Variants in JAK2 observed in about 807,000 individuals in gnomAD.
JAK2 encodes tyrosine-protein kinase JAK2.
In JAK2, 86 loss-of-function variants were observed where a neutral mutation model predicts 139.3. The ratio of observed to expected loss-of-function variants is 0.62; its 90% CI spans 0.52 to 0.74. JAK2 has a LOEUF of 0.74. JAK2 is among the 30% of genes least tolerant of loss of function. The pLI, the probability that JAK2 is intolerant of heterozygous loss-of-function variation, is 0.00. For missense variants in JAK2, 1,421 were observed against 1,360.3 expected (o/e 1.04, Z -0.70); for synonymous variants, 490 against 437.7 (o/e 1.12, Z -1.49).
intron 19 of JAK2, among the ~76,000 whole-genome samples, chr9:5,086,347 G>C (rs573354577): frequency 6.6e-6 from 1 of 151,924 alleles, no homozygotes; most frequent in Non-Finnish European, 1.5e-5. Context: ...CACTCCTAGC[G>C]GTTTTGAAAT....
At chr9:5,072,213 C>G (rs570725260) in intron 12 of JAK2, among the ~76,000 whole-genome samples, 1 of 152,162 alleles carries the variant, frequency 6.6e-6, no homozygotes, top group Non-Finnish European at 1.5e-5. Flanking sequence ...AACACTGACT[C>G]TATTTTTAAA....
intron 5 of JAK2, among the ~76,000 whole-genome samples, chr9:5,049,628 G>A (rs191373544): frequency 8.2e-4 from 125 of 152,158 alleles, no homozygotes; most frequent in Non-Finnish European, 1.1e-3. Flanking sequence ...CTTCTGTTTC[G>A]CTTCTAAGCT....
At chr9:5,041,197 G>T (rs76922682) in intron 4 of JAK2, 19,922 of 1,436,700 alleles carry the variant, frequency 0.014, 211 homozygotes, top group Non-Finnish European at 0.017. Flanking sequence ...ACCAGGACGT[G>T]AAGCCCGAGA....
chr9:5,042,790 A>C lies in JAK2; in HGVS notation c.351-1613A>C, dbSNP rs554083755. On this transcript the variant is annotated intron_variant, in intron 4 of 24. Transcript: ENST00000381652. ...TGTGCCCCAGGCCTCCCCAAAACTAAAGGGGAACGGAGGGGTGGGGCCGCG... is the reference window on the plus strand; with the variant it reads ...TGTGCCCCAGGCCTCCCCAAAACTACAGGGGAACGGAGGGGTGGGGCCGCG... Among the ~76,000 whole-genome samples, 548 of 152,234 alleles carry C rather than the reference A, an allele frequency of 3.6e-3. 4 individuals carry two copies. The highest frequency in any genetic ancestry group is 0.017 in the Middle Eastern group (5 of 294).
chr9:5,106,898 G>A (rs1822006948), intron 22 of JAK2, among the ~76,000 whole-genome samples: 1 of 152,044 alleles, frequency 6.6e-6, no homozygotes, highest in Non-Finnish European at 1.5e-5. Flanking sequence ...GGGGCCCGGG[G>A]GAGGGATAGC....
In JAK2 at chr9:5,048,504, A is replaced by G. The variant is rs12348159; in HGVS notation, c.469-2182A>G. Among the ~76,000 whole-genome samples the G allele has an allele frequency of 2.0e-3, 299 of 152,254 alleles. 1 individual carries two copies. The highest frequency in any genetic ancestry group is 6.8e-3 in the African/African-American group (283 of 41,532). On this transcript the variant is annotated intron_variant, in intron 5 of 24. Coordinates refer to ENST00000381652, the MANE Select transcript of JAK2 (RefSeq NM_004972.4). The stretch of plus-strand genomic sequence containing the variant: ...AAAAGAATCTACCAAGTCATTGATC[A>G]TCTTCTACTTAAACAGTATAACTTA...
chr9:5,007,459 T>C (rs1185505838), intron 2 of JAK2, among the ~76,000 whole-genome samples: 3 of 152,124 alleles, frequency 2.0e-5, no homozygotes, highest in African/African-American at 4.8e-5. Flanking sequence ...TTAGGTGCCA[T>C]TGGCAAATTT....
intron 2 of JAK2, among the ~76,000 whole-genome samples, chr9:4,993,005 G>A (rs147814054): frequency 6.6e-6 from 1 of 152,148 alleles, no homozygotes; most frequent in Admixed American, 6.5e-5. Context: ...ATTTGTAAGA[G>A]TAGCTTTCTG....
chr9:5,098,180 C>G (rs1372534093), intron 22 of JAK2: 1 of 152,112 alleles, frequency 6.6e-6, no homozygotes. Flanking sequence ...ATTTGAAGAG[C>G]CAACCTACAT....
intron 3 of JAK2, among the ~76,000 whole-genome samples, chr9:5,024,421 T>TG (rs1361975746): frequency 2.6e-5 from 4 of 152,174 alleles, no homozygotes; most frequent in Non-Finnish European, 5.9e-5. Context: ...GGCTCTGTGT[T>TG]GGGGCTCTCA....
intron 3 of JAK2, among the ~76,000 whole-genome samples, chr9:5,024,969 G>T (rs1372487420): frequency 6.6e-6 from 1 of 152,198 alleles, no homozygotes; most frequent in Non-Finnish European, 1.5e-5. Context: ...AGCCGGGGCT[G>T]GTGGGCAGGA....
At chr9:5,018,195 T>G (rs1299703011) in intron 2 of JAK2, among the ~76,000 whole-genome samples, 1 of 152,242 alleles carries the variant, frequency 6.6e-6, no homozygotes, top group African/African-American at 2.4e-5. Flanking sequence ...TCATATTGTT[T>G]AGCATTGTGG....
intron 7 of JAK2, 32 bp from the exon 8 acceptor site, chr9:5,055,637 C>A: frequency 6.7e-7 from 1 of 1,482,398 alleles, no homozygotes; most frequent in Non-Finnish European, 9.2e-7. Flanking sequence ...TAAATTCTAC[C>A]CGTTTTTAAT....
intron 16 of JAK2, 29 bp from the exon 17 acceptor site, chr9:5,080,200 A>T (rs191391146): frequency 4.6e-6 from 7 of 1,522,734 alleles, no homozygotes; most frequent in Non-Finnish European, 6.2e-6. Context: ...TGAATTATTT[A>T]ACCCTACTCT....
chr9:5,095,965 C>T (rs1272693547), intron 22 of JAK2, among the ~76,000 whole-genome samples: 2 of 152,318 alleles, frequency 1.3e-5, no homozygotes, highest in African/African-American at 2.4e-5. Context: ...TTCACTAATT[C>T]TACTATCCCT....
At chr9:5,073,525 A>G (rs1586741696) in intron 13 of JAK2, among the ~76,000 whole-genome samples, 173 bp from the exon 14 acceptor site, 1 of 152,294 alleles carries the variant, frequency 6.6e-6, no homozygotes. Flanking sequence ...GTTTCCTCAG[A>G]ACGTTGATGG....
In JAK2 at chr9:5,069,921, T is replaced by G; in HGVS notation, c.1514-4T>G. ...AGTGATATATATGTATTTTATTTTTTCAGATAAATCAAACCTTCTAGTCTT... is the reference window on the plus strand; with the variant it reads ...AGTGATATATATGTATTTTATTTTTGCAGATAAATCAAACCTTCTAGTCTT... On this transcript the variant is annotated splice_polypyrimidine_tract_variant and splice_region_variant and intron_variant, in intron 11 of 24. Transcript: ENST00000381652. 1 of 1,579,326 alleles carries G rather than the reference T, an allele frequency of 6.3e-7. No homozygotes were observed. Among genetic ancestry groups the G allele is most frequent in the Admixed American group, 1.7e-5 (1 of 57,222 alleles).
chr9:5,081,968 G>C (rs1334028208), intron 19 of JAK2, 107 bp downstream of exon 19: 4 of 869,306 alleles, frequency 4.6e-6, no homozygotes, highest in Non-Finnish European at 6.8e-6. Context: ...AGTGCTTGTA[G>C]AAAAAAAAGG....
intron 22 of JAK2, chr9:5,099,638 T>G (rs548952691): frequency 5.3e-5 from 8 of 152,214 alleles, no homozygotes; most frequent in South Asian, 2.1e-4. Context: ...TCATTCTGTT[T>G]CCCACTGTTT....
Sources: allele counts gnomAD v4.1 joint callset (sites outside exome capture counted in the v4.1 genomes callset), GRCh38; gene constraint gnomAD v4.1.1; transcripts MANE v1.5; gene names NCBI Gene and HGNC (gene_info 2026-07-23, HGNC 2026-07-21).